Variants in BICRA observed in about 807,000 individuals in gnomAD.
The protein encoded by BICRA is BRD4-interacting chromatin-remodeling complex-associated protein.
A neutral mutation model predicts 96.9 loss-of-function variants in BICRA; 31 were observed. The ratio of observed to expected loss-of-function variants is 0.32; its 90% confidence interval spans 0.24 to 0.43. The LOEUF (loss-of-function observed/expected upper bound fraction) is 0.43, where lower values mean the gene tolerates loss of function less well. BICRA is among the 20% of genes least tolerant of loss of function. The pLI is 1.00. For synonymous variants in BICRA, 1,350 were observed against 1,071.8 expected, an observed-to-expected ratio of 1.26 and a Z score of -5.07; for missense variants, 2,283 against 2,190.3, an observed-to-expected ratio of 1.04 and a Z score of -0.84.
intron 1 of BICRA, among the ~76,000 whole-genome samples, chr19:47,617,462 C>G (rs1039139306): frequency 2.0e-5 from 3 of 151,996 alleles, no homozygotes; most frequent in Non-Finnish European, 4.4e-5. Flanking sequence ...CTCCCAGGCT[C>G]CAGCAGTTCT....
chr19:47,694,315 C>T lies in BICRA; in HGVS notation c.2484C>T (p.Pro828=), dbSNP rs1235711509. 4 of 1,162,510 alleles carry T rather than the reference C, an allele frequency of 3.4e-6. No individual in the cohort carries two copies. Among genetic ancestry groups the T allele is most frequent in the African/African-American group, 1.6e-5 (1 of 62,762 alleles). 72.0% of individuals were successfully genotyped at this position (1,162,510 alleles called of 1,614,324 possible). Residue 828 remains proline, a synonymous_variant, in exon 8 of 15, where the codon CCC becomes CCT. Coordinates refer to ENST00000594866, the MANE Select transcript of BICRA (RefSeq NM_001394372.1). Reference sequence around the variant, plus strand: ...ACCCTTGCCCCCCACCCCAGGCCCCCCCAACTCTGCCTGGCATCTTTGTCA... The same window carrying T: ...ACCCTTGCCCCCCACCCCAGGCCCCTCCAACTCTGCCTGGCATCTTTGTCA... The part of the protein sequence containing the change: ...PLHPCPPPQA[P]PTLPGIFVIQ...
rs541186265 is a variant in BICRA at position 47,655,860 on chromosome 19, A to T, written c.-107-14583A>T. On this transcript the variant is annotated intron_variant, in intron 1 of 14. Coordinates refer to ENST00000594866, the MANE Select transcript of BICRA (RefSeq NM_001394372.1). Reference sequence around the variant, plus strand: ...GACAGAGCGAGACTCCATCTCAAAAAAAAAATAAAAATAAAAATAAAAATA... The same window carrying T: ...GACAGAGCGAGACTCCATCTCAAAATAAAAATAAAAATAAAAATAAAAATA... Among the ~76,000 whole-genome samples the T allele has an allele frequency of 2.9e-3, 434 of 150,656 alleles. 1 individual carries two copies. Among genetic ancestry groups the T allele is most frequent in the African/African-American group, 0.01 (419 of 40,838 alleles).
intron 7 of BICRA, 38 bp from the exon 8 acceptor site, chr19:47,694,077 A>ACCCCCCCCCC (rs1568576148): frequency 6.4e-6 from 9 of 1,410,508 alleles, no homozygotes; most frequent in South Asian, 2.9e-5. Context: ...GTTGGTTCTG[A>ACCCCCCCCCC]CCCCCGCCCC....
At chr19:47,609,767 C>T (rs1015463796) in intron 1 of BICRA, among the ~76,000 whole-genome samples, 4 of 152,104 alleles carry the variant, frequency 2.6e-5, no homozygotes, top group African/African-American at 4.8e-5. Flanking sequence ...AAATCCCTCC[C>T]GTGGGTGTCG....
At chr19:47,689,267 G>GT (rs902018664) in intron 7 of BICRA, among the ~76,000 whole-genome samples, 63 of 151,440 alleles carry the variant, frequency 4.2e-4, no homozygotes, top group African/African-American at 1.3e-3. Flanking sequence ...TCATCAGAAA[G>GT]TTTTTTTTTC....
chr19:47,612,422 AAAAT>A (rs1256555962), intron 1 of BICRA, among the ~76,000 whole-genome samples: 2 of 151,998 alleles, frequency 1.3e-5, no homozygotes, highest in Non-Finnish European at 2.9e-5. Context: ...TCAAAAAAAA[AAAAT>A]AAATAAAATA....
chr19:47,624,798 T>C (rs1169373563), intron 1 of BICRA, among the ~76,000 whole-genome samples: 2 of 151,700 alleles, frequency 1.3e-5, no homozygotes, highest in African/African-American at 4.8e-5. Context: ...GGCTCAAGCG[T>C]TCCTCCAACC....
At chr19:47,685,721 C>G (rs572442825) in intron 7 of BICRA, among the ~76,000 whole-genome samples, 1 of 147,246 alleles carries the variant, frequency 6.8e-6, no homozygotes, top group African/African-American at 2.5e-5. Flanking sequence ...CTCTCTGTAC[C>G]CAGATGGATT....
intron 1 of BICRA, among the ~76,000 whole-genome samples, chr19:47,627,467 CA>C (rs1394063739): frequency 6.6e-6 from 1 of 152,154 alleles, no homozygotes; most frequent in Non-Finnish European, 1.5e-5. Flanking sequence ...TTTCAAAATT[CA>C]GGCCGTTTCA....
chr19:47,659,621 C>T (rs776936515), intron 1 of BICRA, among the ~76,000 whole-genome samples: 4 of 151,810 alleles, frequency 2.6e-5, no homozygotes, highest in Non-Finnish European at 5.9e-5. Context: ...TGATGCCCCA[C>T]TTGCCCCTTT....
At chr19:47,700,795 A>AAAACAAACAAAC (rs34257198) in intron 14 of BICRA, 2 of 155,202 alleles carry the variant, frequency 1.3e-5, no homozygotes, top group African/African-American at 4.8e-5. Flanking sequence ...CTGTCTCAAA[A>AAAACAAACAAAC]AAACAAACAA....
chr19:47,657,671 C>G (rs1972640788), intron 1 of BICRA, among the ~76,000 whole-genome samples: 1 of 152,138 alleles, frequency 6.6e-6, no homozygotes. Context: ...GCTGGGATTA[C>G]AGGCATGAGC....
chr19:47,619,889 C>T (rs1411201287), intron 1 of BICRA, among the ~76,000 whole-genome samples: 17 of 152,146 alleles, frequency 1.1e-4, no homozygotes, highest in Non-Finnish European at 1.5e-5. Flanking sequence ...TCCATGAGTC[C>T]TAACCCCTAT....
intron 1 of BICRA, among the ~76,000 whole-genome samples, chr19:47,628,350 G>A (rs554770424): frequency 1.3e-5 from 2 of 152,136 alleles, no homozygotes; most frequent in African/African-American, 2.4e-5. Flanking sequence ...AGGTGAGGCT[G>A]CTGTGGTCAG....
At chr19:47,624,485 TA>T (rs944415066) in intron 1 of BICRA, among the ~76,000 whole-genome samples, 2 of 152,152 alleles carry the variant, frequency 1.3e-5, no homozygotes, top group Admixed American at 1.3e-4. Context: ...ACATCATGTC[TA>T]AAAAAACCAG....
At position 47,701,248 on chromosome 19, in the gene BICRA, T is replaced by A. The variant is rs1254188709; in HGVS notation, c.3596-80T>A. 3 of 947,656 alleles carry A rather than the reference T, an allele frequency of 3.2e-6. No individual in the cohort carries two copies. Among genetic ancestry groups the A allele is most frequent in the East Asian group, 2.5e-5 (1 of 39,380 alleles). The allele number at this position is 947,656 out of a possible 1,614,324, so 58.7% of individuals were successfully genotyped here. On this transcript the variant is annotated intron_variant, in intron 14 of 14. Coordinates refer to ENST00000594866, the MANE Select transcript of BICRA (RefSeq NM_001394372.1). The surrounding 1 kb of genome is among the most constrained non-coding windows in gnomAD (Gnocchi z 5.4). ...CTGGTGCCTGGCAGGTAGTAGGTGC[T>A]CACTGCACACAGCTCCTCCCAGCTC...
At chr19:47,643,709 A>G (rs1036644119) in intron 1 of BICRA, among the ~76,000 whole-genome samples, 4 of 152,190 alleles carry the variant, frequency 2.6e-5, no homozygotes, top group African/African-American at 9.7e-5. Context: ...TGGCCCTAAC[A>G]GTTAACATCG....
At chr19:47,646,232 G>A (rs779653598) in intron 1 of BICRA, among the ~76,000 whole-genome samples, 43 of 152,312 alleles carry the variant, frequency 2.8e-4, no homozygotes, top group Middle Eastern at 3.4e-3. Flanking sequence ...CCCACTGAGG[G>A]CTTGTGTCCC....
intron 7 of BICRA, among the ~76,000 whole-genome samples, chr19:47,693,541 C>G (rs1469053183): frequency 6.6e-6 from 1 of 152,242 alleles, no homozygotes; most frequent in African/African-American, 2.4e-5. Flanking sequence ...GTGTGGCCAT[C>G]CGTATTCTCG....
Sources: gnomAD v4.1 joint callset for allele counts (sites outside exome capture counted in the v4.1 genomes callset) on GRCh38, gnomAD v4.1.1 for gene constraint, Gnocchi (gnomAD v3.1) non-coding constraint, MANE v1.5 for transcripts, NCBI Gene and HGNC (gene_info 2026-07-23, HGNC 2026-07-21) for gene names.